Variants in AMOTL1 observed in about 807,000 individuals in gnomAD.
The protein encoded by AMOTL1 is angiomotin-like protein 1.
In AMOTL1, 45 loss-of-function variants were observed where a neutral mutation model predicts 102.9. The observed-to-expected ratio is 0.44, with a 90% confidence interval of 0.34 to 0.56. The LOEUF (loss-of-function observed/expected upper bound fraction) is 0.56. AMOTL1 is among the 20% of genes least tolerant of loss of function. The probability of loss-of-function intolerance (pLI) is 0.01; values close to 1 mark genes in which losing one functional copy is unlikely to be tolerated. For synonymous variants in AMOTL1, 481 were observed against 484.7 expected, an observed-to-expected ratio of 0.99 and a Z score of 0.10; for missense variants, 1,114 against 1,225.6, an observed-to-expected ratio of 0.91 and a Z score of 1.36.
intron 3 of AMOTL1, chr11:94,741,071 C>A: frequency 8.8e-7 from 1 of 1,134,960 alleles, no homozygotes; most frequent in Non-Finnish European, 1.2e-6. Context: ...CATAGGAACT[C>A]AGCTAGGGAT....
chr11:94,782,204 G>A (rs552991361), intron 1 of AMOTL1, among the ~76,000 whole-genome samples: 3 of 152,088 alleles, frequency 2.0e-5, no homozygotes, highest in Non-Finnish European at 2.9e-5. Flanking sequence ...ATTCTGGCTT[G>A]GGCATTTGGT....
At chr11:94,813,565 C>G (rs1413223255) in intron 3 of AMOTL1, among the ~76,000 whole-genome samples, 1 of 152,242 alleles carries the variant, frequency 6.6e-6, no homozygotes, top group African/African-American at 2.4e-5. Flanking sequence ...ACCATCCCTC[C>G]CCTCTCTCGC....
At chr11:94,770,450 T>G in intron 1 of AMOTL1, among the ~76,000 whole-genome samples, 3 of 146,940 alleles carry the variant, frequency 2.0e-5, no homozygotes, top group African/African-American at 7.5e-5. Context: ...CTTATGATGG[T>G]GGTGGGGGTT....
chr11:94,798,782 TAGG>T (rs1951412882), intron 2 of AMOTL1, among the ~76,000 whole-genome samples: 1 of 152,004 alleles, frequency 6.6e-6, no homozygotes, highest in South Asian at 2.1e-4. Flanking sequence ...GAGGCCGAAT[TAGG>T]AGAGCATTGC....
intron 3 of AMOTL1, among the ~76,000 whole-genome samples, chr11:94,756,244 G>C (rs1453919745): frequency 6.7e-6 from 1 of 149,840 alleles, no homozygotes; most frequent in Non-Finnish European, 1.5e-5. Flanking sequence ...GGCGTGGCAG[G>C]CCAAAAGCAG....
At chr11:94,751,161 A>T (rs1950649215) in intron 3 of AMOTL1, among the ~76,000 whole-genome samples, 1 of 152,212 alleles carries the variant, frequency 6.6e-6, no homozygotes, top group South Asian at 2.1e-4. Context: ...GCAGTACAAT[A>T]CATGGATATT....
At chr11:94,715,186 T>C (rs1279874390) in intron 1 of AMOTL1, among the ~76,000 whole-genome samples, 1 of 152,166 alleles carries the variant, frequency 6.6e-6, no homozygotes, top group Non-Finnish European at 1.5e-5. Flanking sequence ...TGTTTTTGTT[T>C]TGCTACTGAT....
chr11:94,707,250 C>CTCTCTCTGTGTGTG (rs1338023479), intron 1 of AMOTL1, among the ~76,000 whole-genome samples: 3 of 71,800 alleles, frequency 4.2e-5, no homozygotes, highest in Admixed American at 1.6e-4. Flanking sequence ...CTCTCTCTCT[C>CTCTCTCTGTGTGTG]TGTGTGTGTG....
intron 2 of AMOTL1, among the ~76,000 whole-genome samples, chr11:94,737,636 G>A (rs1950455460): frequency 1.3e-5 from 2 of 152,194 alleles, no homozygotes; most frequent in Admixed American, 6.5e-5. Context: ...GCCTTCTATA[G>A]GTCACCTCTC....
intron 3 of AMOTL1, among the ~76,000 whole-genome samples, chr11:94,762,152 A>G (rs1448853584): frequency 6.6e-6 from 1 of 152,204 alleles, no homozygotes; most frequent in Non-Finnish European, 1.5e-5. Context: ...TTTGCTCATG[A>G]AAAGAGGAAA....
chr11:94,713,301 C>T (rs1403880523), intron 1 of AMOTL1, among the ~76,000 whole-genome samples: 1 of 151,884 alleles, frequency 6.6e-6, no homozygotes, highest in African/African-American at 2.4e-5. Context: ...ATAAGCAATA[C>T]ACTAGGTAGA....
intron 2 of AMOTL1, among the ~76,000 whole-genome samples, chr11:94,730,960 A>G (rs933490270): frequency 3.3e-5 from 5 of 152,302 alleles, no homozygotes; most frequent in Non-Finnish European, 7.3e-5. Context: ...AGAATTTTAG[A>G]ACTGAAAGAA....
chr11:94,777,158 A>G (rs1034465694), intron 1 of AMOTL1, among the ~76,000 whole-genome samples: 66 of 152,230 alleles, frequency 4.3e-4, no homozygotes, highest in African/African-American at 1.6e-3. Flanking sequence ...CTGGGAAAGT[A>G]ATTTTAAAAG....
At chr11:94,835,706 G>A (rs557816670) in intron 6 of AMOTL1, among the ~76,000 whole-genome samples, 167 of 152,274 alleles carry the variant, frequency 1.1e-3, no homozygotes, top group African/African-American at 3.4e-3. Context: ...TATCTCCACC[G>A]CTTTGGGATT....
chr11:94,850,464 T>C (rs1286179603), intron 7 of AMOTL1, among the ~76,000 whole-genome samples: 1 of 152,198 alleles, frequency 6.6e-6, no homozygotes, highest in African/African-American at 2.4e-5. Context: ...GAAAAGCACA[T>C]GGGAATCCCA....
chr11:94,768,417 C>G lies in AMOTL1; in HGVS notation c.-95C>G. The G allele has an allele frequency of 1.3e-6, 2 of 1,536,776 alleles. No individual in the cohort carries two copies. The highest frequency in any genetic ancestry group is 2.5e-5 in the East Asian group (1 of 40,518). ...CGGGTTTGGGGCTGGAGGTGAAGCC[C>G]TGTGTGAATGGGGTTGATTGTCCGG... On this transcript the variant is annotated 5_prime_UTR_variant, in exon 1 of 13. Coordinates refer to ENST00000433060, the MANE Select transcript of AMOTL1 (RefSeq NM_130847.3).
chr11:94,844,672 A>C (rs1459371548), intron 6 of AMOTL1, among the ~76,000 whole-genome samples: 1 of 152,122 alleles, frequency 6.6e-6, no homozygotes, highest in East Asian at 1.9e-4. Flanking sequence ...CACAATAACC[A>C]ACCTACTCCT....
rs373828936 is a variant in AMOTL1, at chr11:94,868,305, G to A, written c.2489-893G>A. On this transcript the variant is annotated intron_variant, in intron 11 of 12. Transcript: ENST00000433060. ...GAACAAATACTTGATTGCGCTTACCGCCTTTTCTATAGGCTAGCATTCTAG... is the reference window on the plus strand; with the variant it reads ...GAACAAATACTTGATTGCGCTTACCACCTTTTCTATAGGCTAGCATTCTAG... Among the ~76,000 whole-genome samples the A allele has an allele frequency of 1.7e-4, 26 of 152,278 alleles. 1 individual carries two copies. Among genetic ancestry groups the A allele is most frequent in the African/African-American group, 6.0e-4 (25 of 41,562 alleles).
At chr11:94,850,050 G>T (rs1952499142) in intron 6 of AMOTL1, 64 bp from the exon 7 acceptor site, 2 of 1,494,236 alleles carry the variant, frequency 1.3e-6, no homozygotes, top group African/African-American at 2.8e-5. Flanking sequence ...GATGTCGACT[G>T]GCCGTGAGCC....
Sources: gnomAD v4.1 joint callset for allele counts (sites outside exome capture counted in the v4.1 genomes callset) on GRCh38, gnomAD v4.1.1 for gene constraint, MANE v1.5 for transcripts, NCBI Gene and HGNC (gene_info 2026-07-23, HGNC 2026-07-21) for gene names.